OTULINL: variants seen among roughly 807,000 people sequenced by gnomAD.
The protein encoded by OTULINL is inactive ubiquitin thioesterase OTULINL.
Under a neutral mutation model 43.9 loss-of-function variants are expected in OTULINL, and 42 were observed. That is an observed-to-expected ratio of 0.96 (90% CI 0.75 to 1.24). The LOEUF is 1.24. Ranked by LOEUF, OTULINL falls within the 50% of genes most tolerant of loss-of-function variation. The pLI, the probability that OTULINL is intolerant of heterozygous loss-of-function variation, is 0.00. For missense variants in OTULINL, 411 were observed against 426.4 expected (o/e 0.96, Z 0.32); for synonymous variants, 172 against 153.6 (o/e 1.12, Z -0.88).
intron 5 of OTULINL, among the ~76,000 whole-genome samples, chr5:14,603,131 A>G (rs1759417631): frequency 6.6e-6 from 1 of 152,198 alleles, no homozygotes; most frequent in African/African-American, 2.4e-5. Context: ...TGCATGTTCA[A>G]TTGAATGTGT....
intron 1 of OTULINL, among the ~76,000 whole-genome samples, chr5:14,590,743 T>A (rs1245150320): frequency 6.6e-6 from 1 of 152,200 alleles, no homozygotes; most frequent in Non-Finnish European, 1.5e-5. Context: ...CTACTATTCT[T>A]GGTTACAGAA....
At chr5:14,586,545 A>T (rs545375317) in intron 1 of OTULINL, among the ~76,000 whole-genome samples, 1 of 152,382 alleles carries the variant, frequency 6.6e-6, no homozygotes, top group African/African-American at 2.4e-5. Context: ...TAAGAATTTA[A>T]TAGTAAATCT....
intron 5 of OTULINL, 43 bp from the exon 6 acceptor site, chr5:14,607,287 C>T (rs763793843): frequency 8.8e-6 from 14 of 1,598,226 alleles, no homozygotes; most frequent in Admixed American, 1.7e-5. Flanking sequence ...GTGTAATAAA[C>T]GTTCATATGC....
At position 14,602,327 on chromosome 5, in the gene OTULINL, G is replaced by A; in HGVS notation, c.493G>A (p.Val165Ile). The change falls in exon 5 of 8, where the codon GTT becomes ATT. Residue 165 changes from valine to isoleucine, a missense_variant. Coordinates refer to ENST00000274217, the MANE Select transcript of OTULINL (RefSeq NM_019018.3). ...ATCATGGATGAAAGAAAAGGACATT[G>A]TTAAGGTATGTCTTCCCCCTGGAAA... Reference protein sequence around the residue: ...FPSWMKEKDIVKLPEKLLFSQ... With the variant: ...FPSWMKEKDIIKLPEKLLFSQ... 6.2e-7 allele frequency: 1 copy of A among 1,612,798 alleles called. No individual in the cohort carries two copies. Among genetic ancestry groups the A allele is most frequent in the African/African-American group, 1.3e-5 (1 of 75,002 alleles).
At chr5:14,588,411 A>G (rs1759143989) in intron 1 of OTULINL, among the ~76,000 whole-genome samples, 1 of 152,034 alleles carries the variant, frequency 6.6e-6, no homozygotes, top group Non-Finnish European at 1.5e-5. Context: ...ACTACCTTGA[A>G]ACCATCCTAC....
chr5:14,607,712 T>C (rs1317619423), intron 6 of OTULINL, among the ~76,000 whole-genome samples: 2 of 152,184 alleles, frequency 1.3e-5, no homozygotes. Context: ...CTTTAAACCT[T>C]ACCAATCATG....
At chr5:14,586,579 A>G (rs2126769166) in intron 1 of OTULINL, among the ~76,000 whole-genome samples, 1 of 152,370 alleles carries the variant, frequency 6.6e-6, no homozygotes, top group South Asian at 2.1e-4. Flanking sequence ...TAACCATGTT[A>G]CTATGACATC....
At chr5:14,582,108 G>A (rs948493926) in intron 1 of OTULINL, 150 bp downstream of exon 1, 1 of 545,768 alleles carries the variant, frequency 1.8e-6, no homozygotes, top group African/African-American at 2.0e-5. Flanking sequence ...GGGAGCTGGA[G>A]CGCGCCCCTG....
chr5:14,584,014 G>A (rs886673809), intron 1 of OTULINL, among the ~76,000 whole-genome samples: 7 of 152,324 alleles, frequency 4.6e-5, no homozygotes, highest in Non-Finnish European at 8.8e-5. Context: ...GAATCAGAAT[G>A]TTAGATGCAT....
At chr5:14,599,779 T>C (rs867085152) in intron 1 of OTULINL, among the ~76,000 whole-genome samples, 3 of 152,232 alleles carry the variant, frequency 2.0e-5, no homozygotes, top group South Asian at 2.1e-4. Context: ...CTACTGAACA[T>C]AGCAAAATAT....
At chr5:14,605,241 A>G in intron 5 of OTULINL, among the ~76,000 whole-genome samples, 1 of 152,282 alleles carries the variant, frequency 6.6e-6, no homozygotes, top group African/African-American at 2.4e-5. Context: ...GCACCCTCTG[A>G]AGGCATGGCC....
intron 5 of OTULINL, among the ~76,000 whole-genome samples, chr5:14,605,520 G>A (rs1759459828): frequency 6.6e-6 from 1 of 152,166 alleles, no homozygotes; most frequent in Non-Finnish European, 1.5e-5. Flanking sequence ...AATATCTGCA[G>A]CCAGCTTGTA....
At chr5:14,606,954 T>C (rs1020241462) in intron 5 of OTULINL, among the ~76,000 whole-genome samples, 5 of 152,122 alleles carry the variant, frequency 3.3e-5, no homozygotes, top group African/African-American at 1.2e-4. Flanking sequence ...TTGGGCCGGG[T>C]GCTGTGGCTC....
chr5:14,604,024 G>A (rs1050596524), intron 5 of OTULINL, among the ~76,000 whole-genome samples: 2 of 152,072 alleles, frequency 1.3e-5, no homozygotes, highest in African/African-American at 4.8e-5. Context: ...TAATTGCTGA[G>A]GACAAAGATA....
Position 14,614,970 on chromosome 5 carries a change from G to C in OTULINL, c.*4656G>C. On this transcript the variant is annotated 3_prime_UTR_variant, in exon 8 of 8. Transcript: ENST00000274217. ...AATGATTCTTGGGAAGTTTAGTCAA[G>C]AGAATATCCTTGAATAAAGAAGTAC... The C allele has an allele frequency of 2.6e-6, 1 of 391,190 alleles. No homozygotes were observed. 24.2% of individuals were successfully genotyped at this position (391,190 alleles called of 1,614,324 possible). A position where few individuals can be genotyped will look rare whatever the true frequency, so the allele number is the denominator to read the frequency against.
At position 14,610,179 on chromosome 5, in the gene OTULINL, G is replaced by C. The variant is rs761735174; in HGVS notation, c.936G>C (p.Lys312Asn). 7 of 1,613,968 alleles carry C rather than the reference G, an allele frequency of 4.3e-6. No homozygotes were observed. The highest frequency in any genetic ancestry group is 5.9e-6 in the Non-Finnish European group (7 of 1,179,958). Residue 312 changes from lysine (K) to asparagine (N), a missense_variant, in exon 8 of 8, where the codon AAG becomes AAC. Physicochemically the swap from Lys to Asn is moderately conservative, Grantham distance 94. Transcript: ENST00000274217. ...TACTTGGATACTCCCTTGAAGTAAA[G>C]ATAAAAGTGTTCAGACTGTTCAAGT... ...MFILGYSLEV[K>N]IKVFRLFKFN...
chr5:14,583,921 C>T (rs1249042170), intron 1 of OTULINL, among the ~76,000 whole-genome samples: 1 of 152,012 alleles, frequency 6.6e-6, no homozygotes, highest in Non-Finnish European at 1.5e-5. Context: ...TTTACTATTT[C>T]TTCTTTAAAG....
chr5:14,603,903 C>CGTGT (rs960845775), intron 5 of OTULINL, among the ~76,000 whole-genome samples: 4 of 151,940 alleles, frequency 2.6e-5, no homozygotes, highest in African/African-American at 9.7e-5. Context: ...TGTGTGCGCA[C>CGTGT]GTGTGTGTGT....
chr5:14,592,653 G>A (rs1383626183), intron 1 of OTULINL, among the ~76,000 whole-genome samples: 1 of 152,144 alleles, frequency 6.6e-6, no homozygotes, highest in Non-Finnish European at 1.5e-5. Flanking sequence ...AAAACAAGTA[G>A]AATTCTGCCT....
Sources: gnomAD v4.1 joint callset for allele counts (sites outside exome capture counted in the v4.1 genomes callset) on GRCh38, gnomAD v4.1.1 for gene constraint, MANE v1.5 for transcripts, NCBI Gene and HGNC (gene_info 2026-07-23, HGNC 2026-07-21) for gene names.